CDH22: variants seen among roughly 807,000 people sequenced by gnomAD.
CDH22 encodes the protein cadherin 22.
Under a neutral mutation model 58.4 loss-of-function variants are expected in CDH22, and 30 were observed. That is an observed-to-expected ratio of 0.51 (90% confidence interval 0.38 to 0.70). The LOEUF (loss-of-function observed/expected upper bound fraction) is 0.70, where lower values mean the gene tolerates loss of function less well. Ranked by LOEUF, CDH22 falls within the 30% of genes least tolerant of loss-of-function variation. CDH22 has a pLI of 0.00. For synonymous variants in CDH22, 513 were observed against 558.2 expected (o/e 0.92, Z 1.14); for missense variants, 1,014 against 1,233.9 (o/e 0.82, Z 2.67).
intron 6 of CDH22, among the ~76,000 whole-genome samples, chr20:46,212,655 T>C (rs893036780): frequency 6.6e-6 from 1 of 152,142 alleles, no homozygotes; most frequent in Non-Finnish European, 1.5e-5. Flanking sequence ...TAACCTCAGC[T>C]TCAGAGGGAA....
At chr20:46,298,662 G>C (rs574264973) in intron 1 of CDH22, among the ~76,000 whole-genome samples, 1 of 152,158 alleles carries the variant, frequency 6.6e-6, no homozygotes, top group East Asian at 1.9e-4. Flanking sequence ...ATGGATGGAT[G>C]GGTGGGTGGA....
rs148516074 is a variant in CDH22 at position 46,227,623 on chromosome 20, C to T, written c.555G>A (p.Thr185=). 5.6e-6 allele frequency: 9 copies of T among 1,611,262 alleles called. No homozygotes were observed. The highest frequency in any genetic ancestry group is 2.7e-5 in the African/African-American group (2 of 74,874). The part of the protein sequence containing the change: ...GSVAELSPTG[T]SVMQVMASDA... ...CCGAGGCCATCACCTGCATCACCGACGTGCCTGGGCCCGGGGGACCAAGCG... is the reference window on the plus strand; with the variant it reads ...CCGAGGCCATCACCTGCATCACCGATGTGCCTGGGCCCGGGGGACCAAGCG... The change falls in exon 4 of 12, where the codon ACG becomes ACA. Residue 185 remains threonine, a synonymous_variant. Coordinates refer to ENST00000537909, the MANE Select transcript of CDH22 (RefSeq NM_021248.3).
At chr20:46,301,539 G>A (rs967339573) in intron 1 of CDH22, among the ~76,000 whole-genome samples, 3 of 151,606 alleles carry the variant, frequency 2.0e-5, no homozygotes, top group African/African-American at 7.3e-5. Context: ...GGCTGGGTGC[G>A]GTGGCTCATG....
chr20:46,232,625 T>C (rs1256925953), intron 3 of CDH22, among the ~76,000 whole-genome samples: 2 of 152,180 alleles, frequency 1.3e-5, no homozygotes, highest in African/African-American at 2.4e-5. Context: ...CAAACATTTA[T>C]AAAAAATGAG....
chr20:46,287,653 C>T (rs539003722), intron 1 of CDH22, among the ~76,000 whole-genome samples: 11 of 151,816 alleles, frequency 7.2e-5, no homozygotes, highest in African/African-American at 2.4e-4. Context: ...GGAGGCCACA[C>T]CGTGCAGGAT....
Position 46,251,533 on chromosome 20 carries a change from G to A in CDH22, c.-239C>T. On this transcript the variant is annotated 5_prime_UTR_variant, in exon 2 of 12. Coordinates refer to ENST00000537909, the MANE Select transcript of CDH22 (RefSeq NM_021248.3). This position sits in a 1 kb window ranked among gnomAD's most constrained non-coding sequence, Gnocchi z 6.7. ...ATCCGGGGCATGGACAGCCCCCGGG[G>A]TGCCCGCCCGCGCCCCCGTCGCCGC... The A allele has an allele frequency of 3.0e-6, 1 of 328,216 alleles. No individual in the cohort carries two copies. Among genetic ancestry groups the A allele is most frequent in the Non-Finnish European group, 5.4e-6 (1 of 184,770 alleles). 20.3% of individuals were successfully genotyped at this position (328,216 alleles called of 1,614,324 possible).
Position 46,174,854 on chromosome 20 carries a change from G to GCCCCCCCCCCCCCCCCCCC in CDH22, c.2138_2139insGGGGGGGGGGGGGGGGGGG (p.Ser714GlyfsTer170). On this transcript the variant is annotated frameshift_variant, in exon 12 of 12. Coordinates refer to ENST00000537909, the MANE Select transcript of CDH22 (RefSeq NM_021248.3). LOFTEE classifies it low-confidence loss of function (END_TRUNC). The surrounding 1 kb of genome is among the most constrained non-coding windows in gnomAD (Gnocchi z 4.4). The stretch of plus-strand genomic sequence containing the variant: ...GGGGGCTGCCCGCGCCCCCGCCCGA[G>GCCCCCCCCCCCCCCCCCCC]CCCCCGCCCGCTCCCCCGCCCGCGC... The GCCCCCCCCCCCCCCCCCCC allele has an allele frequency of 9.0e-7, 1 of 1,113,908 alleles. No homozygotes were observed. The highest frequency in any genetic ancestry group is 1.2e-6 in the Non-Finnish European group (1 of 858,962). 69.0% of individuals were successfully genotyped at this position (1,113,908 alleles called of 1,614,324 possible). A position where few individuals can be genotyped will look rare whatever the true frequency, so the allele number is the denominator to read the frequency against.
intron 1 of CDH22, among the ~76,000 whole-genome samples, chr20:46,256,813 C>A (rs935346619): frequency 6.6e-6 from 1 of 151,366 alleles, no homozygotes; most frequent in Admixed American, 6.6e-5. Flanking sequence ...GCAGCCTGGG[C>A]AACATATCAA....
intron 1 of CDH22, among the ~76,000 whole-genome samples, chr20:46,258,938 G>T (rs2086419103): frequency 6.6e-6 from 1 of 152,236 alleles, no homozygotes; most frequent in Non-Finnish European, 1.5e-5. Flanking sequence ...AGGGTTGGGT[G>T]GTCTTCAGGG....
intron 2 of CDH22, among the ~76,000 whole-genome samples, chr20:46,242,414 CTT>C (rs958487870): frequency 6.6e-6 from 1 of 152,242 alleles, no homozygotes; most frequent in African/African-American, 2.4e-5. Context: ...TCACCCATCA[CTT>C]TGCCTCTCTG....
At chr20:46,273,333 T>C (rs1769912004) in intron 1 of CDH22, among the ~76,000 whole-genome samples, 1 of 152,220 alleles carries the variant, frequency 6.6e-6, no homozygotes. Flanking sequence ...AAGAGCTTAC[T>C]TGTCAGCTCT....
intron 8 of CDH22, among the ~76,000 whole-genome samples, chr20:46,197,445 G>A (rs560159124): frequency 2.9e-4 from 44 of 152,304 alleles, no homozygotes; most frequent in African/African-American, 9.9e-4. Flanking sequence ...GACCCACTGG[G>A]TAGAAGCACA....
In CDH22 at chr20:46,210,592, G is replaced by A. The variant is rs749636280; in HGVS notation, c.1033-32C>T. ...GAGGGAGCAGAGGGCCGGTTAGTGG[G>A]TGGGGTCTGGTGGACACTGAGGCCT... On this transcript the variant is annotated intron_variant, in intron 6 of 11. Transcript: ENST00000537909. The surrounding 1 kb of genome is among the most constrained non-coding windows in gnomAD (Gnocchi z 4.5). 1.4e-6 allele frequency: 2 copies of A among 1,418,962 alleles called. No homozygotes were observed. The highest frequency in any genetic ancestry group is 3.0e-5 in the Admixed American group (1 of 33,744). The allele number at this position is 1,418,962 out of a possible 1,614,324, so 87.9% of individuals were successfully genotyped here.
At chr20:46,281,013 C>T (rs2086548486) in intron 1 of CDH22, among the ~76,000 whole-genome samples, 1 of 152,176 alleles carries the variant, frequency 6.6e-6, no homozygotes, top group Admixed American at 6.5e-5. Flanking sequence ...GAAAAGTCAC[C>T]ACAATCTAAC....
chr20:46,246,065 C>T (rs2086326424), intron 2 of CDH22, among the ~76,000 whole-genome samples: 1 of 152,192 alleles, frequency 6.6e-6, no homozygotes, highest in Non-Finnish European at 1.5e-5. Context: ...GTTTTCTCAT[C>T]CCAGGGGGCT....
chr20:46,297,706 G>A (rs966250316), intron 1 of CDH22, among the ~76,000 whole-genome samples: 6 of 151,952 alleles, frequency 3.9e-5, no homozygotes, highest in South Asian at 2.1e-4. Flanking sequence ...GGAGGGGCTC[G>A]GGGCTTTCCA....
intron 5 of CDH22, among the ~76,000 whole-genome samples, chr20:46,215,872 G>T (rs575438647): frequency 1.4e-4 from 22 of 152,222 alleles, no homozygotes; most frequent in Non-Finnish European, 2.8e-4. Flanking sequence ...CTGGGGCTGG[G>T]CTGGGAGATT....
At chr20:46,232,185 C>A (rs141448425) in intron 3 of CDH22, among the ~76,000 whole-genome samples, 17 of 152,294 alleles carry the variant, frequency 1.1e-4, no homozygotes, top group African/African-American at 3.9e-4. Flanking sequence ...TCCCTTAATC[C>A]TTGCTATCTG....
chr20:46,298,238 A>G (rs2425860), intron 1 of CDH22, among the ~76,000 whole-genome samples: 38,844 of 152,080 alleles, frequency 0.26, 5,454 homozygotes, highest in East Asian at 0.4. Flanking sequence ...TGTTCATTCC[A>G]TTCTTCTTCA....
Sources: gnomAD v4.1 joint callset for allele counts (sites outside exome capture counted in the v4.1 genomes callset) on GRCh38, gnomAD v4.1.1 for gene constraint, Gnocchi (gnomAD v3.1) non-coding constraint, MANE v1.5 for transcripts, NCBI Gene and HGNC (gene_info 2026-07-23, HGNC 2026-07-21) for gene names.